CNTNAP5: variants seen among roughly 807,000 people sequenced by gnomAD.
The protein encoded by CNTNAP5 is contactin-associated protein-like 5.
CNTNAP5 carries 72 observed loss-of-function variants against 150.2 expected under a neutral mutation model. The ratio of observed to expected loss-of-function variants is 0.48; its 90% confidence interval spans 0.40 to 0.58. CNTNAP5 has a LOEUF of 0.58. CNTNAP5 is among the 20% of genes least tolerant of loss of function. The probability of loss-of-function intolerance (pLI) is 0.00; values close to 1 mark genes in which losing one functional copy is unlikely to be tolerated. For missense variants in CNTNAP5, 1,636 were observed against 1,626.2 expected, an observed-to-expected ratio of 1.01 and a Z score of -0.10; for synonymous variants, 672 against 619.8, an observed-to-expected ratio of 1.08 and a Z score of -1.25.
chr2:124,447,014 A>G lies in CNTNAP5; in HGVS notation c.918+77A>G, dbSNP rs1051213709. The G allele has an allele frequency of 1.2e-5, 17 of 1,409,112 alleles. No individual in the cohort carries two copies. In the African/African-American group the frequency reaches 2.3e-4, roughly 19 times the overall value. The allele number at this position is 1,409,112 out of a possible 1,614,324, so 87.3% of individuals were successfully genotyped here. ...CAGCAAGAAAATCAGTGAGCAGACC[A>G]ACTGAGAGAAGTGGTGGGGCACTGA... On this transcript the variant is annotated intron_variant, in intron 6 of 23. Coordinates refer to ENST00000682447, the MANE Select transcript of CNTNAP5 (RefSeq NM_001367498.1).
chr2:124,588,581 G>T (rs2104957437), intron 11 of CNTNAP5, among the ~76,000 whole-genome samples: 1 of 151,978 alleles, frequency 6.6e-6, no homozygotes, highest in South Asian at 2.1e-4. Flanking sequence ...TTGAATTACT[G>T]GGACAGTTTA....
At chr2:124,771,086 C>T (rs533012632) in intron 16 of CNTNAP5, among the ~76,000 whole-genome samples, 10 of 152,126 alleles carry the variant, frequency 6.6e-5, no homozygotes, top group Non-Finnish European at 7.4e-5. Flanking sequence ...CTGTGTAATG[C>T]GGACTTTGAT....
In CNTNAP5 at chr2:124,703,082, A is replaced by G. The variant is rs114102576; in HGVS notation, c.2078-44147A>G. On this transcript the variant is annotated intron_variant, in intron 13 of 23. Transcript: ENST00000682447. ...TTTAAACCTCTGTTCATAAACCTCCATATGAATTCAGCTTTCCTTCCTTCC... is the reference window on the plus strand; with the variant it reads ...TTTAAACCTCTGTTCATAAACCTCCGTATGAATTCAGCTTTCCTTCCTTCC... Among the ~76,000 whole-genome samples the G allele has an allele frequency of 4.2e-3, 643 of 152,010 alleles. 6 individuals carry two copies. The highest frequency in any genetic ancestry group is 0.014 in the African/African-American group (601 of 41,482).
At chr2:124,649,851 G>T (rs943020683) in intron 13 of CNTNAP5, among the ~76,000 whole-genome samples, 6 of 152,174 alleles carry the variant, frequency 3.9e-5, no homozygotes, top group African/African-American at 1.4e-4. Flanking sequence ...AAATACTGGT[G>T]TCCTTATTCG....
intron 8 of CNTNAP5, among the ~76,000 whole-genome samples, chr2:124,511,432 A>C (rs1318127598): frequency 6.6e-6 from 1 of 152,186 alleles, no homozygotes; most frequent in Non-Finnish European, 1.5e-5. Context: ...TGCTTCTCAA[A>C]ATGTCAGCCA....
intron 5 of CNTNAP5, among the ~76,000 whole-genome samples, chr2:124,438,329 G>A (rs1167395768): frequency 2.0e-5 from 3 of 152,040 alleles, no homozygotes; most frequent in African/African-American, 4.8e-5. Context: ...GCCCTCTGCC[G>A]AATTACAATA....
chr2:124,553,963 A>T (rs1695691859), intron 10 of CNTNAP5, among the ~76,000 whole-genome samples: 2 of 152,302 alleles, frequency 1.3e-5, no homozygotes, highest in East Asian at 3.9e-4. Context: ...GCAGGTGCCG[A>T]TGGGAGTGTT....
At position 124,303,264 on chromosome 2, in the gene CNTNAP5, A is replaced by G. The variant is rs1688608099; in HGVS notation, c.381+60871A>G. On this transcript the variant is annotated intron_variant, in intron 3 of 23. Transcript: ENST00000682447. ...TCCCCTGAAGCTACTCAAACAGGAC[A>G]GTGTCTGTTTGGACACATAGCCAGA... Among the ~76,000 whole-genome samples the G allele has an allele frequency of 1.3e-5, 2 of 152,328 alleles. 1 individual carries two copies. The highest frequency in any genetic ancestry group is 2.9e-5 in the Non-Finnish European group (2 of 68,032).
intron 17 of CNTNAP5, among the ~76,000 whole-genome samples, chr2:124,782,167 T>C (rs1681466785): frequency 6.6e-6 from 1 of 152,206 alleles, no homozygotes; most frequent in South Asian, 2.1e-4. Flanking sequence ...CATCATTTTT[T>C]ATCCTTTTGT....
chr2:124,775,890 G>A (rs1337516786), intron 17 of CNTNAP5, among the ~76,000 whole-genome samples: 2 of 152,150 alleles, frequency 1.3e-5, no homozygotes, highest in Non-Finnish European at 2.9e-5. Flanking sequence ...GTCCATCAAT[G>A]TGAGGATGAG....
At chr2:124,571,072 A>T (rs1403234455) in intron 11 of CNTNAP5, among the ~76,000 whole-genome samples, 1 of 152,228 alleles carries the variant, frequency 6.6e-6, no homozygotes, top group Non-Finnish European at 1.5e-5. Context: ...CTTATTTAGC[A>T]TGGTTCCTGA....
intron 2 of CNTNAP5, among the ~76,000 whole-genome samples, chr2:124,229,767 G>A (rs1409709933): frequency 1.3e-5 from 2 of 152,076 alleles, no homozygotes; most frequent in South Asian, 2.1e-4. Flanking sequence ...ATGAAGCCAC[G>A]GAGTTGTGGG....
At chr2:124,715,436 A>G (rs1347193921) in intron 13 of CNTNAP5, among the ~76,000 whole-genome samples, 2 of 152,116 alleles carry the variant, frequency 1.3e-5, no homozygotes, top group Non-Finnish European at 2.9e-5. Context: ...CCAAAGCTAA[A>G]TTTATTATGA....
At chr2:124,566,912 C>A (rs904837975) in intron 11 of CNTNAP5, among the ~76,000 whole-genome samples, 3 of 152,184 alleles carry the variant, frequency 2.0e-5, no homozygotes, top group Non-Finnish European at 4.4e-5. Context: ...AAAACAAAAA[C>A]AAATAGGCCT....
chr2:124,378,462 A>G (rs1379974369), intron 3 of CNTNAP5, among the ~76,000 whole-genome samples: 1 of 152,154 alleles, frequency 6.6e-6, no homozygotes, highest in Non-Finnish European at 1.5e-5. Flanking sequence ...GCATAATTAC[A>G]TATTATCAAT....
chr2:124,742,564 A>G (rs1047926803), intron 13 of CNTNAP5, among the ~76,000 whole-genome samples: 3 of 152,112 alleles, frequency 2.0e-5, no homozygotes, highest in African/African-American at 7.2e-5. Flanking sequence ...ACACTCTAAA[A>G]CAAATACTTT....
chr2:124,057,987 A>G (rs971256175), intron 1 of CNTNAP5, among the ~76,000 whole-genome samples: 3 of 152,128 alleles, frequency 2.0e-5, no homozygotes, highest in Admixed American at 6.5e-5. Flanking sequence ...TTAGATTTAA[A>G]TTATTTTTTT....
intron 13 of CNTNAP5, among the ~76,000 whole-genome samples, chr2:124,664,513 C>G (rs1313755228): frequency 2.0e-5 from 3 of 152,046 alleles, no homozygotes; most frequent in Non-Finnish European, 2.9e-5. Flanking sequence ...CTCCCAGCAC[C>G]CGGAGTGATA....
At chr2:124,095,992 A>G (rs1682926162) in intron 1 of CNTNAP5, among the ~76,000 whole-genome samples, 1 of 152,186 alleles carries the variant, frequency 6.6e-6, no homozygotes, top group Non-Finnish European at 1.5e-5. Flanking sequence ...CAGAGGAGAG[A>G]TTCAAAACTA....
Sources: gnomAD v4.1 joint callset for allele counts (sites outside exome capture counted in the v4.1 genomes callset) on GRCh38, gnomAD v4.1.1 for gene constraint, MANE v1.5 for transcripts, NCBI Gene and HGNC (gene_info 2026-07-23, HGNC 2026-07-21) for gene names.